Variants in CCDC63 observed in about 807,000 individuals in gnomAD.
CCDC63 encodes coiled-coil domain-containing protein 63.
Under a neutral mutation model 63.6 loss-of-function variants are expected in CCDC63, and 54 were observed. That is an observed-to-expected ratio of 0.85 (90% CI 0.68 to 1.07). CCDC63 has a LOEUF of 1.07. Ranked by LOEUF, CCDC63 falls within the 50% of genes least tolerant of loss-of-function variation. The probability of loss-of-function intolerance (pLI) is 0.00; values close to 1 mark genes in which losing one functional copy is unlikely to be tolerated. For synonymous variants in CCDC63, 253 were observed against 266.1 expected, an observed-to-expected ratio of 0.95 and a Z score of 0.48; for missense variants, 637 against 689.6, an observed-to-expected ratio of 0.92 and a Z score of 0.86.
chr12:110,867,839 C>A (rs71458374), intron 4 of CCDC63, among the ~76,000 whole-genome samples: 1 of 143,298 alleles, frequency 7.0e-6, no homozygotes, highest in Non-Finnish European at 1.6e-5. Flanking sequence ...GGCAGAGGCG[C>A]CCCTCACCTC....
At chr12:110,902,509 G>A (rs369435375) in intron 10 of CCDC63, among the ~76,000 whole-genome samples, 1 of 152,030 alleles carries the variant, frequency 6.6e-6, no homozygotes, top group African/African-American at 2.4e-5. Flanking sequence ...TCAAATCTCA[G>A]TTTCATTGTC....
intron 4 of CCDC63, among the ~76,000 whole-genome samples, chr12:110,867,186 A>C (rs1232955480): frequency 1.9e-5 from 2 of 103,066 alleles, no homozygotes; most frequent in Admixed American, 1.0e-4. Flanking sequence ...TGACACCCCC[A>C]CCTCCCTCCC....
chr12:110,873,435 C>T (rs1348113001), intron 4 of CCDC63, among the ~76,000 whole-genome samples: 4 of 152,038 alleles, frequency 2.6e-5, no homozygotes. Context: ...ATTGCAAGAG[C>T]CAAAAAATCA....
At chr12:110,903,479 T>C (rs2071517886) in intron 10 of CCDC63, among the ~76,000 whole-genome samples, 1 of 152,264 alleles carries the variant, frequency 6.6e-6, no homozygotes, top group Non-Finnish European at 1.5e-5. Context: ...GCTTTCTTTC[T>C]ATGCCTCCAT....
At chr12:110,860,916 G>T (rs2070845323) in intron 4 of CCDC63, among the ~76,000 whole-genome samples, 1 of 152,210 alleles carries the variant, frequency 6.6e-6, no homozygotes, top group East Asian at 1.9e-4. Context: ...AAGAAAAGAG[G>T]TTTAATTGGC....
At position 110,857,278 on chromosome 12, in the gene CCDC63, A is replaced by ACC. The variant is rs201988397; in HGVS notation, c.180-1301_180-1300dup. Among the ~76,000 whole-genome samples, 16 of 141,764 alleles carry ACC rather than the reference A, an allele frequency of 1.1e-4. No homozygotes were observed. The East Asian group carries it at 1.9e-3, about 17-fold the overall frequency. 93.0% of individuals were successfully genotyped at this position (141,764 alleles called of 152,430 possible). ...GTAGCTAGGATTACAGGCGCCCACC[A>ACC]CCCCCCCCGGCTAATTTTTTGTATT... On this transcript the variant is annotated intron_variant, in intron 3 of 11. Transcript: ENST00000308208.
In CCDC63 at chr12:110,907,328, C is replaced by A. The variant is rs1399130993; in HGVS notation, c.1547-3C>A. 2.5e-6 allele frequency: 4 copies of A among 1,612,702 alleles called. No homozygotes were observed. The East Asian group carries it at 8.9e-5, about 36-fold the overall frequency. ...ACCTCACACAAATCTGATCTTGGTG[C>A]AGTGGAACAGCCCCTGGACCACAGC... is the stretch of plus-strand genomic sequence containing the variant. On this transcript the variant is annotated splice_polypyrimidine_tract_variant and splice_region_variant and intron_variant, in intron 11 of 11. Transcript: ENST00000308208. The surrounding 1 kb of genome is among the most constrained non-coding windows in gnomAD (Gnocchi z 4.4).
At chr12:110,883,938 C>A in intron 7 of CCDC63, 92 bp from the exon 8 acceptor site, 1 of 1,016,184 alleles carries the variant, frequency 9.8e-7, no homozygotes, top group Non-Finnish European at 1.5e-6. Flanking sequence ...CCATGCCTGG[C>A]CACAATAATA....
At chr12:110,892,720 G>T (rs551312976) in intron 8 of CCDC63, among the ~76,000 whole-genome samples, 1 of 152,090 alleles carries the variant, frequency 6.6e-6, no homozygotes, top group African/African-American at 2.4e-5. Context: ...GGAGGCTGGG[G>T]CAGGAGAATC....
intron 9 of CCDC63, among the ~76,000 whole-genome samples, chr12:110,897,018 T>C (rs2071423201): frequency 6.6e-6 from 1 of 152,240 alleles, no homozygotes; most frequent in Non-Finnish European, 1.5e-5. Context: ...TAAGAACCAC[T>C]GGGCTAGGGC....
chr12:110,906,877 A>G (rs2071594609), intron 11 of CCDC63, among the ~76,000 whole-genome samples: 1 of 152,188 alleles, frequency 6.6e-6, no homozygotes, highest in Non-Finnish European at 1.5e-5. Context: ...CATCTGTTCA[A>G]GGGAATGTTG....
intron 9 of CCDC63, among the ~76,000 whole-genome samples, chr12:110,895,735 T>C (rs2071409152): frequency 6.6e-6 from 1 of 152,218 alleles, no homozygotes; most frequent in South Asian, 2.1e-4. Context: ...GAAGGTTGAA[T>C]AAAATCACAC....
chr12:110,896,865 A>G (rs2071421471), intron 9 of CCDC63, among the ~76,000 whole-genome samples: 1 of 152,194 alleles, frequency 6.6e-6, no homozygotes, highest in Non-Finnish European at 1.5e-5. Flanking sequence ...GTGCACCAGG[A>G]TCACCGGGAG....
In CCDC63 at chr12:110,853,566, G is replaced by A. The variant is rs772944730; in HGVS notation, c.171G>A (p.Ala57=). The change falls in exon 3 of 12, where the codon GCG becomes GCA. Residue 57 remains alanine, a synonymous_variant. Transcript: ENST00000308208. The part of the protein sequence containing the change: ...SFKFRNQQKI[A]SQYKEIKTLK... The stretch of plus-strand genomic sequence containing the variant: ...AGTTCCGAAACCAGCAGAAGATTGC[G>A]AGTCAGTAGTAAGTGATGGTTGGAG... 3 of 1,614,078 alleles carry A rather than the reference G, an allele frequency of 1.9e-6. No individual in the cohort carries two copies. Among genetic ancestry groups the A allele is most frequent in the African/African-American group, 2.7e-5 (2 of 74,932 alleles).
At chr12:110,893,699 C>T (rs2071385126) in intron 9 of CCDC63, among the ~76,000 whole-genome samples, 2 of 152,150 alleles carry the variant, frequency 1.3e-5, no homozygotes, top group African/African-American at 4.8e-5. Context: ...CATCAAGGAG[C>T]TGGGATATTG....
chr12:110,857,022 C>T (rs1052554571), intron 3 of CCDC63, among the ~76,000 whole-genome samples: 1 of 151,984 alleles, frequency 6.6e-6, no homozygotes, highest in Non-Finnish European at 1.5e-5. Context: ...CCAGGCTGGT[C>T]GCAAACTCCT....
rs1273822633 is a variant in CCDC63 at position 110,880,093 on chromosome 12, C to G, written c.671+6C>G. 1.2e-6 allele frequency: 2 copies of G among 1,613,242 alleles called. No individual in the cohort carries two copies. The highest frequency in any genetic ancestry group is 8.5e-7 in the Non-Finnish European group (1 of 1,179,500). ...TCTCAGGCCTATGAGCAGAGGTGGG[C>G]TGGGGATAGGTCCAGGGGCAGCGAG... On this transcript the variant is annotated splice_donor_region_variant and intron_variant, in intron 6 of 11. Transcript: ENST00000308208.
At chr12:110,848,900 A>G (rs907555312) in intron 1 of CCDC63, among the ~76,000 whole-genome samples, 5 of 152,204 alleles carry the variant, frequency 3.3e-5, no homozygotes, top group Non-Finnish European at 5.9e-5. Flanking sequence ...GAGCTGCCCC[A>G]AATTCCAGGG....
intron 5 of CCDC63, among the ~76,000 whole-genome samples, chr12:110,878,593 G>A (rs1426338935): frequency 6.6e-6 from 1 of 152,218 alleles, no homozygotes; most frequent in Non-Finnish European, 1.5e-5. Context: ...GGGATTACAG[G>A]TGTGAGCCAC....
Sources: gnomAD v4.1 joint callset for allele counts (sites outside exome capture counted in the v4.1 genomes callset) on GRCh38, gnomAD v4.1.1 for gene constraint, Gnocchi (gnomAD v3.1) non-coding constraint, MANE v1.5 for transcripts, NCBI Gene and HGNC (gene_info 2026-07-23, HGNC 2026-07-21) for gene names.